Variants in DLG2 observed in about 807,000 individuals in gnomAD.
DLG2 encodes discs large MAGUK scaffold protein 2.
DLG2 carries 45 observed loss-of-function variants against 132.5 expected under a neutral mutation model. The ratio of observed to expected loss-of-function variants is 0.34; its 90% confidence interval spans 0.27 to 0.44. The LOEUF is 0.44. Ranked by LOEUF, DLG2 falls within the 20% of genes least tolerant of loss-of-function variation. The pLI, the probability that DLG2 is intolerant of heterozygous loss-of-function variation, is 1.00. For missense variants in DLG2, 1,045 were observed against 1,196.9 expected (o/e 0.87, Z 1.87); for synonymous variants, 424 against 419.6 (o/e 1.01, Z -0.13).
chr11:84,069,375 T>C (rs973854095), intron 10 of DLG2, among the ~76,000 whole-genome samples: 6 of 152,198 alleles, frequency 3.9e-5, no homozygotes, highest in Admixed American at 2.6e-4. Flanking sequence ...CTTTTCATTA[T>C]TTGGAACAAA....
At chr11:84,278,652 C>G (rs1243485654) in intron 7 of DLG2, among the ~76,000 whole-genome samples, 3 of 151,880 alleles carry the variant, frequency 2.0e-5, no homozygotes, top group African/African-American at 7.3e-5. Flanking sequence ...AGGCTTTATC[C>G]TGGGAATACG....
intron 6 of DLG2, among the ~76,000 whole-genome samples, chr11:85,031,828 G>A (rs182249168): frequency 5.3e-5 from 8 of 151,934 alleles, no homozygotes; most frequent in Admixed American, 3.3e-4. Flanking sequence ...TTTGTCACCT[G>A]AGTGGAGTGC....
At chr11:84,542,031 A>G (rs1211032936) in intron 6 of DLG2, among the ~76,000 whole-genome samples, 1 of 152,158 alleles carries the variant, frequency 6.6e-6, no homozygotes, top group Admixed American at 6.5e-5. Flanking sequence ...AATTGGAAAT[A>G]TTTCAAGGTT....
At chr11:85,179,776 G>C (rs567268629) in intron 4 of DLG2, among the ~76,000 whole-genome samples, 4 of 152,008 alleles carry the variant, frequency 2.6e-5, no homozygotes, top group African/African-American at 9.6e-5. Flanking sequence ...ATCTATTTAA[G>C]ATAGGTAGCA....
chr11:83,793,396 C>T (rs1221161103), intron 17 of DLG2, among the ~76,000 whole-genome samples: 2 of 152,114 alleles, frequency 1.3e-5, no homozygotes, highest in African/African-American at 4.8e-5. Context: ...CTGTAGCAAA[C>T]TATAGTTTAA....
chr11:84,068,622 T>C (rs1036557493), intron 10 of DLG2, among the ~76,000 whole-genome samples: 5 of 152,196 alleles, frequency 3.3e-5, no homozygotes, highest in African/African-American at 9.6e-5. Flanking sequence ...GATAAACACA[T>C]ACATTTTAGT....
chr11:83,806,326 C>T (rs1339337640), intron 17 of DLG2, among the ~76,000 whole-genome samples: 1 of 152,152 alleles, frequency 6.6e-6, no homozygotes, highest in Non-Finnish European at 1.5e-5. Context: ...CTGTGAACAT[C>T]TTTCTATCTT....
intron 21 of DLG2, among the ~76,000 whole-genome samples, chr11:83,522,696 T>A (rs1355028322): frequency 1.3e-5 from 2 of 152,078 alleles, no homozygotes; most frequent in Non-Finnish European, 2.9e-5. Flanking sequence ...TGCTATCTAT[T>A]CTCCAGAGTT....
intron 6 of DLG2, among the ~76,000 whole-genome samples, chr11:84,874,207 A>G (rs2085949020): frequency 6.6e-6 from 1 of 152,218 alleles, no homozygotes; most frequent in South Asian, 2.1e-4. Context: ...TCCTATGAGG[A>G]AGTACCTTTA....
chr11:83,711,562 T>C (rs2085425948), intron 18 of DLG2, among the ~76,000 whole-genome samples: 1 of 152,202 alleles, frequency 6.6e-6, no homozygotes, highest in South Asian at 2.1e-4. Context: ...ACTTGGCACC[T>C]CAGGCTGACT....
chr11:84,313,465 G>A (rs1312078466), intron 7 of DLG2, among the ~76,000 whole-genome samples: 2 of 145,172 alleles, frequency 1.4e-5, no homozygotes, highest in Non-Finnish European at 3.0e-5. Flanking sequence ...TACATAGTAG[G>A]CATTCAGTAC....
rs140639427 is a variant in DLG2 at position 84,608,107 on chromosome 11, G to T, written c.358-73376C>A. Among the ~76,000 whole-genome samples the T allele has an allele frequency of 2.5e-3, 380 of 152,250 alleles. 5 individuals are homozygous for T. The highest frequency in any genetic ancestry group is 8.4e-3 in the African/African-American group (350 of 41,584). Reference sequence around the variant, plus strand: ...TCTCTCTAGAGGCAGTGAGCAACAGGAGACTGTGCGACTTTTGACTTTAAA... The same window carrying T: ...TCTCTCTAGAGGCAGTGAGCAACAGTAGACTGTGCGACTTTTGACTTTAAA... On this transcript the variant is annotated intron_variant, in intron 6 of 27. Coordinates refer to ENST00000376104, the MANE Select transcript of DLG2 (RefSeq NM_001142699.3).
At chr11:83,719,569 G>A (rs539223863) in intron 18 of DLG2, among the ~76,000 whole-genome samples, 36 of 152,282 alleles carry the variant, frequency 2.4e-4, no homozygotes, top group Non-Finnish European at 4.6e-4. Context: ...GTCAAACAGT[G>A]AGAAAAGAGG....
intron 6 of DLG2, among the ~76,000 whole-genome samples, chr11:84,682,323 G>A (rs994834661): frequency 6.6e-6 from 1 of 152,184 alleles, no homozygotes; most frequent in African/African-American, 2.4e-5. Flanking sequence ...GAGGATAATG[G>A]TACCTGATCT....
intron 3 of DLG2, among the ~76,000 whole-genome samples, chr11:85,291,651 C>T (rs542641624): frequency 3.1e-4 from 45 of 146,304 alleles, no homozygotes; most frequent in African/African-American, 1.0e-3. Flanking sequence ...GCAGTGCAAT[C>T]TCGGCTCACT....
chr11:85,574,096 AT>A (rs2078007903), intron 3 of DLG2, among the ~76,000 whole-genome samples: 1 of 152,154 alleles, frequency 6.6e-6, no homozygotes, highest in Non-Finnish European at 1.5e-5. Flanking sequence ...TAATGAAACT[AT>A]TTTGCATAAC....
At chr11:85,548,519 G>A (rs2076469153) in intron 3 of DLG2, among the ~76,000 whole-genome samples, 1 of 152,218 alleles carries the variant, frequency 6.6e-6, no homozygotes, top group African/African-American at 2.4e-5. Context: ...TGAATGCTGT[G>A]CTGTGAGATC....
At chr11:84,833,811 G>T (rs2079354507) in intron 6 of DLG2, among the ~76,000 whole-genome samples, 1 of 151,582 alleles carries the variant, frequency 6.6e-6, no homozygotes, top group South Asian at 2.1e-4. Context: ...TTTTTGCACA[G>T]AACAGACTTC....
chr11:85,183,494 A>G (rs902430268), intron 4 of DLG2, among the ~76,000 whole-genome samples: 22 of 151,930 alleles, frequency 1.4e-4, no homozygotes, highest in Admixed American at 3.9e-4. Context: ...CAAGGTCCCA[A>G]AACAGCCAAA....
Sources: gnomAD v4.1 joint callset for allele counts (sites outside exome capture counted in the v4.1 genomes callset) on GRCh38, gnomAD v4.1.1 for gene constraint, MANE v1.5 for transcripts, NCBI Gene and HGNC (gene_info 2026-07-23, HGNC 2026-07-21) for gene names.